SHISA9: variants seen among roughly 807,000 people sequenced by gnomAD.
The protein encoded by SHISA9 is shisa family member 9, also known as protein shisa-9.
SHISA9 carries 13 observed loss-of-function variants against 38.0 expected under a neutral mutation model. The ratio of observed to expected loss-of-function variants is 0.34; its 90% CI spans 0.22 to 0.54. The LOEUF (loss-of-function observed/expected upper bound fraction) is 0.54, where lower values mean the gene tolerates loss of function less well. Ranked by LOEUF, SHISA9 falls within the 20% of genes least tolerant of loss-of-function variation. The probability of loss-of-function intolerance (pLI) is 0.91; values close to 1 mark genes in which losing one functional copy is unlikely to be tolerated. For missense variants in SHISA9, 538 were observed against 575.8 expected, an observed-to-expected ratio of 0.93 and a Z score of 0.67; for synonymous variants, 275 against 242.0, an observed-to-expected ratio of 1.14 and a Z score of -1.27.
chr16:12,949,529 G>A (rs1176981800), intron 2 of SHISA9, among the ~76,000 whole-genome samples: 1 of 152,198 alleles, frequency 6.6e-6, no homozygotes, highest in Admixed American at 6.5e-5. Flanking sequence ...CATGTGACAT[G>A]TGGCTAGTCT....
At chr16:13,450,505 C>A in the SHISA9 span, among the ~76,000 whole-genome samples, 4 of 152,184 alleles carry the variant, frequency 2.6e-5, no homozygotes, top group African/African-American at 4.8e-5. Flanking sequence ...CTAATTTAGC[C>A]CTTCATCACC....
At chr16:13,461,789 A>G in the SHISA9 span, among the ~76,000 whole-genome samples, 29,025 of 150,812 alleles carry the variant, frequency 0.19, 3,094 homozygotes, top group East Asian at 0.36. Flanking sequence ...AATTTTTTGT[A>G]TTTTTAGTAG....
chr16:13,155,681 T>G (rs998886849), intron 2 of SHISA9, among the ~76,000 whole-genome samples: 3 of 152,148 alleles, frequency 2.0e-5, no homozygotes, highest in Non-Finnish European at 4.4e-5. Context: ...GCCACAGCCT[T>G]TGAACTAATT....
the SHISA9 span, among the ~76,000 whole-genome samples, chr16:13,552,358 T>C: frequency 6.6e-6 from 1 of 152,062 alleles, no homozygotes; most frequent in Non-Finnish European, 1.5e-5. Flanking sequence ...TTGGAGGAAA[T>C]GCATTCCTGT....
At chr16:13,178,063 G>A (rs1001990249) in intron 2 of SHISA9, among the ~76,000 whole-genome samples, 9 of 152,320 alleles carry the variant, frequency 5.9e-5, no homozygotes, top group African/African-American at 2.2e-4. Context: ...ACAAATGAAC[G>A]AGTGAATAAT....
chr16:13,055,999 A>C (rs990270433), intron 2 of SHISA9, among the ~76,000 whole-genome samples: 1 of 152,190 alleles, frequency 6.6e-6, no homozygotes, highest in Admixed American at 6.5e-5. Flanking sequence ...CTTGGGACGC[A>C]AGTATGCACA....
intron 1 of SHISA9, among the ~76,000 whole-genome samples, chr16:12,906,103 AG>A (rs1233907803): frequency 6.6e-6 from 1 of 152,210 alleles, no homozygotes; most frequent in Non-Finnish European, 1.5e-5. Flanking sequence ...GCTTGGCATC[AG>A]AGAGGCTGCT....
At chr16:12,957,601 C>T (rs963362073) in intron 2 of SHISA9, among the ~76,000 whole-genome samples, 8 of 152,118 alleles carry the variant, frequency 5.3e-5, no homozygotes, top group Non-Finnish European at 1.0e-4. Flanking sequence ...CCCAAAGGCA[C>T]CATGTTCTAA....
chr16:13,522,356 C>G, the SHISA9 span, among the ~76,000 whole-genome samples: 2 of 152,198 alleles, frequency 1.3e-5, no homozygotes, highest in Non-Finnish European at 2.9e-5. Context: ...GAACTTTGAA[C>G]AGTTTTCATC....
At chr16:13,217,724 T>C (rs1596741126) in intron 4 of SHISA9, among the ~76,000 whole-genome samples, 3 of 152,122 alleles carry the variant, frequency 2.0e-5, no homozygotes, top group African/African-American at 7.2e-5. Context: ...GATGGAATCT[T>C]TCAGAAGGAA....
chr16:13,196,926 T>G (rs2050949293), intron 2 of SHISA9, among the ~76,000 whole-genome samples: 1 of 152,072 alleles, frequency 6.6e-6, no homozygotes, highest in Non-Finnish European at 1.5e-5. Flanking sequence ...AAACCATATC[T>G]CCACTAAAAA....
chr16:13,455,615 C>A, the SHISA9 span, among the ~76,000 whole-genome samples: 2 of 152,330 alleles, frequency 1.3e-5, no homozygotes, highest in African/African-American at 4.8e-5. Context: ...TCATTCAACC[C>A]TTTACAAAGT....
At chr16:13,211,438 A>G (rs1277342303) in intron 3 of SHISA9, among the ~76,000 whole-genome samples, 3 of 152,232 alleles carry the variant, frequency 2.0e-5, no homozygotes, top group East Asian at 1.9e-4. Context: ...TAATTTTACA[A>G]TAGTGTGATT....
At chr16:13,111,853 A>T (rs933288425) in intron 2 of SHISA9, among the ~76,000 whole-genome samples, 1 of 152,174 alleles carries the variant, frequency 6.6e-6, no homozygotes, top group Non-Finnish European at 1.5e-5. Context: ...GATAGGTGAG[A>T]GGCCATCTGG....
the SHISA9 span, chr16:13,458,575 A>G: frequency 2.4e-6 from 1 of 416,940 alleles, no homozygotes; most frequent in Admixed American, 3.1e-5. Context: ...ACAGAAGGTG[A>G]AAGAGATACC....
At chr16:13,478,866 C>T in the SHISA9 span, among the ~76,000 whole-genome samples, 3 of 152,138 alleles carry the variant, frequency 2.0e-5, no homozygotes, top group Non-Finnish European at 4.4e-5. Flanking sequence ...AATAAGCCAC[C>T]TGGGCGATTC....
the SHISA9 span, among the ~76,000 whole-genome samples, chr16:13,452,644 A>T: frequency 6.6e-6 from 1 of 152,156 alleles, no homozygotes; most frequent in Non-Finnish European, 1.5e-5. Context: ...AAAGCTGATC[A>T]CATCATTCAA....
intron 3 of SHISA9, among the ~76,000 whole-genome samples, chr16:13,212,710 C>G (rs1340974901): frequency 1.3e-5 from 2 of 152,142 alleles, no homozygotes; most frequent in Admixed American, 1.3e-4. Flanking sequence ...GTGTTAGGTA[C>G]TGTGGTAAGG....
chr16:13,398,502 A>ATT, the SHISA9 span, among the ~76,000 whole-genome samples: 477 of 140,314 alleles, frequency 3.4e-3, 3 homozygotes, highest in African/African-American at 0.012. Context: ...TTTATTCACC[A>ATT]TTTTTTTTTT....
Sources: allele counts gnomAD v4.1 joint callset (sites outside exome capture counted in the v4.1 genomes callset), GRCh38; gene constraint gnomAD v4.1.1; transcripts MANE v1.5; gene names NCBI Gene and HGNC (gene_info 2026-07-23, HGNC 2026-07-21).